The following PDLIM5 variants were observed in gnomAD, a reference collection of about 807,000 sequenced individuals.
The protein encoded by PDLIM5 is PDZ and LIM domain protein 5.
A neutral mutation model predicts 64.2 loss-of-function variants in PDLIM5; 34 were observed. The ratio of observed to expected loss-of-function variants is 0.53; its 90% CI spans 0.40 to 0.71. PDLIM5 has a LOEUF of 0.71. Ranked by LOEUF, PDLIM5 falls within the 30% of genes least tolerant of loss-of-function variation. The pLI is 0.00. For synonymous variants in PDLIM5, 253 were observed against 269.1 expected, an observed-to-expected ratio of 0.94 and a Z score of 0.59; for missense variants, 683 against 733.6, an observed-to-expected ratio of 0.93 and a Z score of 0.80.
chr4:94,515,396 A>G (rs547278715), intron 2 of PDLIM5, among the ~76,000 whole-genome samples: 2 of 152,194 alleles, frequency 1.3e-5, no homozygotes, highest in African/African-American at 2.4e-5. Flanking sequence ...AGCATGTGAA[A>G]TCATGATTTT....
chr4:94,573,670 CT>C (rs1259152280), intron 4 of PDLIM5: 1 of 414,706 alleles, frequency 2.4e-6, no homozygotes, highest in African/African-American at 2.0e-5. Context: ...ATGAGCCCAT[CT>C]TTATCCAAAT....
At position 94,582,685 on chromosome 4, in the gene PDLIM5, A is replaced by G. The variant is rs773955151; in HGVS notation, c.711-2880A>G. ...ATCAATGTCTTCTCTACTCTATCGC[A>G]TCTTTTTTTGTGTGTGTTATTCTTC... On this transcript the variant is annotated intron_variant, in intron 5 of 12. Coordinates refer to ENST00000317968, the MANE Select transcript of PDLIM5 (RefSeq NM_006457.5). 7 of 1,521,094 alleles carry G rather than the reference A, an allele frequency of 4.6e-6. No homozygotes were observed. The Admixed American group carries it at 8.5e-5, about 18-fold the overall frequency. The allele number at this position is 1,521,094 out of a possible 1,614,324, so 94.2% of individuals were successfully genotyped here.
At chr4:94,460,252 A>C (rs1297290679) in intron 2 of PDLIM5, among the ~76,000 whole-genome samples, 1 of 152,310 alleles carries the variant, frequency 6.6e-6, no homozygotes, top group East Asian at 1.9e-4. Flanking sequence ...CAGGAATCTC[A>C]ATGTAATTCT....
At chr4:94,636,496 T>C (rs923606810) in intron 8 of PDLIM5, among the ~76,000 whole-genome samples, 1 of 151,400 alleles carries the variant, frequency 6.6e-6, no homozygotes, top group African/African-American at 2.4e-5. Context: ...ATTTGTAAGG[T>C]AATTTTTTGG....
At position 94,531,961 on chromosome 4, in the gene PDLIM5, T is replaced by C. The variant is rs376707406; in HGVS notation, c.248+8086T>C. 1.4e-4 allele frequency among the ~76,000 whole-genome samples: 22 copies of C among 152,228 alleles called. No homozygotes were observed. In the East Asian group the frequency reaches 1.9e-3, roughly 13 times the overall value. On this transcript the variant is annotated intron_variant, in intron 3 of 12. Coordinates refer to ENST00000317968, the MANE Select transcript of PDLIM5 (RefSeq NM_006457.5). ...AAGGGGGGGAAAGCTTATAGGTTAA[T>C]GGGCCACTAGATAGAAACATTCGTT... is the stretch of plus-strand genomic sequence containing the variant.
At chr4:94,583,977 T>A (rs117910191) in intron 5 of PDLIM5, among the ~76,000 whole-genome samples, 1 of 152,240 alleles carries the variant, frequency 6.6e-6, no homozygotes, top group Non-Finnish European at 1.5e-5. Context: ...AAGCACACAC[T>A]GAATCTGATT....
chr4:94,665,573 A>G lies in PDLIM5; in HGVS notation c.*1506A>G, dbSNP rs972362864. On this transcript the variant is annotated 3_prime_UTR_variant, in exon 13 of 13. Transcript: ENST00000317968. ...GTGAATCAGAAGATTATACCCCCCA[A>G]TTGTTTTTCAATCCCCTTTTCTCAA... 1.3e-5 allele frequency: 12 copies of G among 919,264 alleles called. No homozygotes were observed. In the South Asian group the frequency reaches 2.0e-4, roughly 15 times the overall value. The allele number at this position is 919,264 out of a possible 1,614,324, so 56.9% of individuals were successfully genotyped here.
chr4:94,616,693 A>G (rs1415988468), intron 7 of PDLIM5, among the ~76,000 whole-genome samples: 1 of 152,224 alleles, frequency 6.6e-6, no homozygotes, highest in Non-Finnish European at 1.5e-5. Context: ...GTGTTTTATC[A>G]TCAAACAGGT....
Position 94,585,634 on chromosome 4 carries a change from C to A in PDLIM5, c.780C>A (p.Ser260Arg). The A allele has an allele frequency of 6.2e-7, 1 of 1,612,770 alleles. No individual in the cohort carries two copies. Among genetic ancestry groups the A allele is most frequent in the Non-Finnish European group, 8.5e-7 (1 of 1,179,224 alleles). Reference protein sequence around the residue: ...FYHVPTHSDASKKRLIEDTED... With the variant: ...FYHVPTHSDARKKRLIEDTED... ...ATGTACCCACTCACAGTGATGCCAG[C>A]AAGAAGAGACTGATTGAGGATACTG... Residue 260 changes from serine to arginine, a missense_variant, in exon 6 of 13, where the codon AGC becomes AGA. Coordinates refer to ENST00000317968, the MANE Select transcript of PDLIM5 (RefSeq NM_006457.5).
chr4:94,569,442 C>T (rs557164022), intron 3 of PDLIM5, among the ~76,000 whole-genome samples: 1 of 152,146 alleles, frequency 6.6e-6, no homozygotes, highest in Non-Finnish European at 1.5e-5. Context: ...GCCTCAGCCT[C>T]CTAAGTAGCT....
rs1289877024 is a variant in PDLIM5, at chr4:94,667,013, ATATT to A, written c.*2952_*2955del. 6.6e-6 allele frequency: 1 copy of A among 152,146 alleles called. No homozygotes were observed. Among genetic ancestry groups the A allele is most frequent in the African/African-American group, 2.4e-5 (1 of 41,430 alleles). 9.4% of individuals were successfully genotyped at this position (152,146 alleles called of 1,614,324 possible). ...TTTATTCTTCTGGTGAGCTCCCTGAATATTTATTTTTCTGATTATAAATTTTCTA... is the reference window on the plus strand; with the variant it reads ...TTTATTCTTCTGGTGAGCTCCCTGAATATTTTTCTGATTATAAATTTTCTA... On this transcript the variant is annotated 3_prime_UTR_variant, in exon 13 of 13. Coordinates refer to ENST00000317968, the MANE Select transcript of PDLIM5 (RefSeq NM_006457.5).
chr4:94,528,768 G>C (rs923179263), intron 3 of PDLIM5, among the ~76,000 whole-genome samples: 1 of 152,162 alleles, frequency 6.6e-6, no homozygotes, highest in African/African-American at 2.4e-5. Flanking sequence ...AATATATCTC[G>C]TGTGGATATA....
chr4:94,477,391 A>G (rs1725418587), intron 2 of PDLIM5, among the ~76,000 whole-genome samples: 1 of 152,182 alleles, frequency 6.6e-6, no homozygotes, highest in Non-Finnish European at 1.5e-5. Context: ...CAGCTTGGAG[A>G]TACACTTCTG....
chr4:94,596,059 T>C (rs1737045217), intron 7 of PDLIM5, among the ~76,000 whole-genome samples: 1 of 152,208 alleles, frequency 6.6e-6, no homozygotes, highest in Admixed American at 6.5e-5. Context: ...ATGCAAATAC[T>C]GTTTTGCTGA....
intron 3 of PDLIM5, among the ~76,000 whole-genome samples, chr4:94,564,805 G>A (rs1206181143): frequency 6.6e-6 from 1 of 151,808 alleles, no homozygotes; most frequent in Non-Finnish European, 1.5e-5. Context: ...ACAGGTGAGT[G>A]CCACCACGCC....
At position 94,621,582 on chromosome 4, in the gene PDLIM5, G is replaced by A. The variant is rs116229392; in HGVS notation, c.1108+3391G>A. Among the ~76,000 whole-genome samples, 17 of 152,250 alleles carry A rather than the reference G, an allele frequency of 1.1e-4. No individual in the cohort carries two copies. In the East Asian group the frequency reaches 2.1e-3, roughly 19 times the overall value. On this transcript the variant is annotated intron_variant, in intron 8 of 12. Transcript: ENST00000317968. The stretch of plus-strand genomic sequence containing the variant: ...AGTGGAGGACAGAAAGTTTATATAC[G>A]GCCTTTGGAAGTTCAGAAGTTTATG...
At position 94,666,790 on chromosome 4, in the gene PDLIM5, G is replaced by C. The variant is rs761304461; in HGVS notation, c.*2723G>C. 3.3e-5 allele frequency: 5 copies of C among 152,130 alleles called. No homozygotes were observed. The highest frequency in any genetic ancestry group is 7.4e-5 in the Non-Finnish European group (5 of 68,018). The allele number at this position is 152,130 out of a possible 1,614,324, so 9.4% of individuals were successfully genotyped here. A position where few individuals can be genotyped will look rare whatever the true frequency, so the allele number is the denominator to read the frequency against. On this transcript the variant is annotated 3_prime_UTR_variant, in exon 13 of 13. Coordinates refer to ENST00000317968, the MANE Select transcript of PDLIM5 (RefSeq NM_006457.5). ...TTTCTCCAAATTTTATGCCTGAAAGGGTAGTGTTGCTTCCTAAGGTATCAT... is the reference window on the plus strand; with the variant it reads ...TTTCTCCAAATTTTATGCCTGAAAGCGTAGTGTTGCTTCCTAAGGTATCAT...
chr4:94,625,491 T>G (rs547947772), intron 8 of PDLIM5, among the ~76,000 whole-genome samples: 5 of 151,204 alleles, frequency 3.3e-5, no homozygotes, highest in African/African-American at 9.8e-5. Flanking sequence ...CTCTCTGTGT[T>G]GCCCAGGCTG....
intron 9 of PDLIM5, among the ~76,000 whole-genome samples, chr4:94,647,864 G>C (rs1252450855): frequency 6.6e-6 from 1 of 152,052 alleles, no homozygotes; most frequent in Admixed American, 6.6e-5. Context: ...AAGAAAATTT[G>C]GGAAATTCAC....
Sources: allele counts gnomAD v4.1 joint callset (sites outside exome capture counted in the v4.1 genomes callset), GRCh38; gene constraint gnomAD v4.1.1; transcripts MANE v1.5; gene names NCBI Gene and HGNC (gene_info 2026-07-23, HGNC 2026-07-21).